IGSF10: variants seen among roughly 807,000 people sequenced by gnomAD.
IGSF10 encodes calvaria mechanical force protein 608.
A neutral mutation model predicts 128.2 loss-of-function variants in IGSF10; 126 were observed. The observed-to-expected ratio is 0.98, with a 90% CI of 0.85 to 1.14. The LOEUF (loss-of-function observed/expected upper bound fraction) is 1.14, where lower values mean the gene tolerates loss of function less well. Ranked by LOEUF, IGSF10 falls within the 50% of genes most tolerant of loss-of-function variation. IGSF10 has a pLI of 0.00. For synonymous variants in IGSF10, 1,185 were observed against 1,146.2 expected (o/e 1.03, Z -0.68); for missense variants, 3,295 against 3,149.8 (o/e 1.05, Z -1.10).
the IGSF10 span, among the ~76,000 whole-genome samples, chr3:151,573,147 A>C: frequency 6.6e-6 from 1 of 152,160 alleles, no homozygotes; most frequent in East Asian, 1.9e-4. Context: ...CCTTACTTCC[A>C]ACTATGTGGT....
At chr3:151,511,089 A>G in the IGSF10 span, among the ~76,000 whole-genome samples, 1 of 152,174 alleles carries the variant, frequency 6.6e-6, no homozygotes, top group Non-Finnish European at 1.5e-5. Context: ...GCAGGCCAAC[A>G]TTCAAATTCA....
In IGSF10 at chr3:151,445,998, G is replaced by C; in HGVS notation, c.3983C>G (p.Ser1328Cys). Reference sequence around the variant, plus strand: ...TGTTTGGGTTTCATAAGTGATGACAGATGCAGGGAAGGTAGGAGTTGTTGC... The same window carrying C: ...TGTTTGGGTTTCATAAGTGATGACACATGCAGGGAAGGTAGGAGTTGTTGC... ...IPATTPTFPA[S>C]VITYETQTER... Residue 1328 changes from serine to cysteine, a missense_variant, in exon 6 of 8, where the codon TCT (serine) becomes TGT (cysteine). Coordinates refer to ENST00000282466, the MANE Select transcript of IGSF10 (RefSeq NM_178822.5). The C allele has an allele frequency of 6.2e-7, 1 of 1,614,212 alleles. No homozygotes were observed. The highest frequency in any genetic ancestry group is 1.1e-5 in the South Asian group (1 of 91,088).
intron 7 of IGSF10, chr3:151,440,832 A>C (rs1401184822): frequency 3.2e-6 from 1 of 307,798 alleles, no homozygotes; most frequent in Non-Finnish European, 6.6e-6. Context: ...CACTGTTCTA[A>C]CTGGGTTCTC....
the IGSF10 span, among the ~76,000 whole-genome samples, chr3:151,601,770 C>A: frequency 6.6e-6 from 1 of 152,146 alleles, no homozygotes; most frequent in Non-Finnish European, 1.5e-5. Flanking sequence ...AATAGACACC[C>A]CAGGAACATG....
At chr3:151,522,144 A>T in the IGSF10 span, among the ~76,000 whole-genome samples, 28 of 152,144 alleles carry the variant, frequency 1.8e-4, no homozygotes, top group Admixed American at 3.9e-4. Flanking sequence ...CCAAGACTGA[A>T]CCAGGAAGAA....
At chr3:151,524,513 AAACT>A in the IGSF10 span, among the ~76,000 whole-genome samples, 1 of 152,218 alleles carries the variant, frequency 6.6e-6, no homozygotes, top group African/African-American at 2.4e-5. Flanking sequence ...CATCCTAAGC[AAACT>A]AACACAGGAA....
At chr3:151,517,930 C>T in the IGSF10 span, among the ~76,000 whole-genome samples, 4 of 152,028 alleles carry the variant, frequency 2.6e-5, no homozygotes, top group South Asian at 4.1e-4. Context: ...ACCTGAAGTC[C>T]TTGTTCTCAC....
the IGSF10 span, among the ~76,000 whole-genome samples, chr3:151,469,253 C>T: frequency 4.6e-5 from 7 of 152,164 alleles, no homozygotes; most frequent in East Asian, 5.8e-4. Flanking sequence ...GGTATATACC[C>T]AGTAATGGGT....
At chr3:151,479,995 T>A in the IGSF10 span, among the ~76,000 whole-genome samples, 2 of 152,094 alleles carry the variant, frequency 1.3e-5, no homozygotes, top group African/African-American at 2.4e-5. Context: ...CTTTTTTTTT[T>A]ATCACACACA....
chr3:151,443,630 G>A lies in IGSF10; in HGVS notation c.5317C>T (p.Pro1773Ser), dbSNP rs761626803. The A allele has an allele frequency of 1.4e-5, 23 of 1,614,190 alleles. No individual in the cohort carries two copies. The East Asian group carries it at 4.9e-4, about 34-fold the overall frequency. Residue 1773 changes from proline to serine, a missense_variant, in exon 7 of 8, where the codon CCA becomes TCA. Pro to Ser is a moderately conservative substitution (Grantham distance 74). Coordinates refer to ENST00000282466, the MANE Select transcript of IGSF10 (RefSeq NM_178822.5). Reference sequence around the variant, plus strand: ...AGAATCCAGGTAACTGTAGGGCTTGGCCTACCTTCTGCTCTGCACTTCAGT... The same window carrying A: ...AGAATCCAGGTAACTGTAGGGCTTGACCTACCTTCTGCTCTGCACTTCAGT... ...VELKCRAEGR[P>S]SPTVTWILAN...
chr3:151,509,934 A>T, the IGSF10 span, among the ~76,000 whole-genome samples: 1 of 152,162 alleles, frequency 6.6e-6, no homozygotes, highest in Admixed American at 6.5e-5. Context: ...GGGGAGGGGC[A>T]CCCACCATTG....
At chr3:151,593,349 C>T in the IGSF10 span, among the ~76,000 whole-genome samples, 8 of 152,162 alleles carry the variant, frequency 5.3e-5, no homozygotes, top group South Asian at 2.1e-4. Context: ...TGAGCGCAAG[C>T]GATCATCCTG....
rs73010404 is a variant in IGSF10, at chr3:151,447,816, C to T, written c.2165G>A (p.Arg722Gln). The change falls in exon 6 of 8, where the codon CGG becomes CAG. Residue 722 changes from arginine (R) to glutamine (Q), a missense_variant. Transcript: ENST00000282466. ...TCCACGTCGCTGGAGTGTTAATTCC[C>T]GATAGTTGTGCCTCTTACTTGTGCT... Reference protein sequence around the residue: ...TSSTSKRHNYRELTLQRRGDS... With the variant: ...TSSTSKRHNYQELTLQRRGDS... 1,799 of 1,614,082 alleles carry T rather than the reference C, an allele frequency of 1.1e-3. 21 individuals are homozygous for T. In the African/African-American group the frequency reaches 0.021, roughly 19 times the overall value.
the IGSF10 span, among the ~76,000 whole-genome samples, chr3:151,508,720 T>C: frequency 6.6e-6 from 1 of 152,306 alleles, no homozygotes; most frequent in East Asian, 1.9e-4. Flanking sequence ...TTGGGATGCT[T>C]CAGAGGGCCC....
At chr3:151,561,738 T>C in the IGSF10 span, among the ~76,000 whole-genome samples, 2 of 151,128 alleles carry the variant, frequency 1.3e-5, no homozygotes, top group Non-Finnish European at 3.0e-5. Context: ...GGAAGGGGAG[T>C]GGGGAGAGGT....
At position 151,437,479 on chromosome 3, in the gene IGSF10, A is replaced by G; in HGVS notation, c.7082T>C (p.Val2361Ala). Residue 2361 changes from valine (V) to alanine (A), a missense_variant, in exon 8 of 8, where the codon GTT (valine) becomes GCT (alanine). Val to Ala is a moderately conservative substitution (Grantham distance 64). Transcript: ENST00000282466. ...TATTTCAGGTGGTGGGTTACCATCA[A>G]CAGAGCAATTCAATGCTGTGGACTT... ...LGKSTALNCS[V>A]DGNPPPEIIW... The G allele has an allele frequency of 6.2e-7, 1 of 1,614,174 alleles. No individual in the cohort carries two copies. Among genetic ancestry groups the G allele is most frequent in the South Asian group, 1.1e-5 (1 of 91,088 alleles).
At chr3:151,605,564 A>C in the IGSF10 span, among the ~76,000 whole-genome samples, 1 of 152,232 alleles carries the variant, frequency 6.6e-6, no homozygotes. Flanking sequence ...GATTAATTTA[A>C]ACATTCTGAT....
chr3:151,485,148 G>A, the IGSF10 span, among the ~76,000 whole-genome samples: 1 of 152,068 alleles, frequency 6.6e-6, no homozygotes, highest in Admixed American at 6.6e-5. Context: ...AGAACTTCAT[G>A]AAGCATACAT....
the IGSF10 span, among the ~76,000 whole-genome samples, chr3:151,610,183 G>A: frequency 6.6e-6 from 1 of 152,164 alleles, no homozygotes; most frequent in East Asian, 1.9e-4. Context: ...CATTGGTAAA[G>A]GAAATATTGT....
Sources: allele counts gnomAD v4.1 joint callset (sites outside exome capture counted in the v4.1 genomes callset), GRCh38; gene constraint gnomAD v4.1.1; transcripts MANE v1.5; gene names NCBI Gene and HGNC (gene_info 2026-07-23, HGNC 2026-07-21).